TTC17: variants seen among roughly 807,000 people sequenced by gnomAD.
The protein encoded by TTC17 is tetratricopeptide repeat domain 17, also known as tetratricopeptide repeat protein 17.
TTC17 carries 58 observed loss-of-function variants against 143.8 expected under a neutral mutation model. That is an observed-to-expected ratio of 0.40 (90% CI 0.33 to 0.50). The LOEUF (loss-of-function observed/expected upper bound fraction) is 0.50. TTC17 is among the 20% of genes least tolerant of loss of function. The pLI is 0.49. For synonymous variants in TTC17, 501 were observed against 497.8 expected (o/e 1.01, Z -0.09); for missense variants, 1,273 against 1,392.5 (o/e 0.91, Z 1.37).
intron 3 of TTC17, among the ~76,000 whole-genome samples, chr11:43,390,900 A>T (rs918421352): frequency 3.9e-5 from 6 of 152,188 alleles, no homozygotes; most frequent in African/African-American, 1.4e-4. Context: ...ACGTTTCTAG[A>T]CAATTGAGCA....
intron 1 of TTC17, among the ~76,000 whole-genome samples, chr11:43,376,632 A>G (rs1002956055): frequency 2.0e-5 from 3 of 152,136 alleles, no homozygotes; most frequent in Non-Finnish European, 2.9e-5. Flanking sequence ...TTTCAATGCT[A>G]AAGACTTTGA....
At chr11:43,373,130 T>A (rs1394492054) in intron 1 of TTC17, among the ~76,000 whole-genome samples, 1 of 152,132 alleles carries the variant, frequency 6.6e-6, no homozygotes, top group Non-Finnish European at 1.5e-5. Flanking sequence ...CTTCATATTG[T>A]CTATATGGTA....
At chr11:43,459,180 G>A (rs997499470) in intron 21 of TTC17, among the ~76,000 whole-genome samples, 2 of 152,136 alleles carry the variant, frequency 1.3e-5, no homozygotes, top group South Asian at 2.1e-4. Context: ...GCAAGGATAC[G>A]ATGTCACATG....
At chr11:43,414,901 G>C in intron 16 of TTC17, 125 bp downstream of exon 16, 1 of 997,762 alleles carries the variant, frequency 1.0e-6, no homozygotes, top group Non-Finnish European at 1.4e-6. Context: ...TATAATTCCA[G>C]ATGCATAGGA....
At chr11:43,486,662 G>A (rs17510145) in intron 21 of TTC17, among the ~76,000 whole-genome samples, 13,562 of 152,090 alleles carry the variant, frequency 0.089, 904 homozygotes, top group Admixed American at 0.23. Flanking sequence ...TAAGGTGGTC[G>A]TTTCTGGAAT....
intron 16 of TTC17, among the ~76,000 whole-genome samples, chr11:43,423,714 T>C (rs954809080): frequency 6.6e-6 from 1 of 152,334 alleles, no homozygotes; most frequent in East Asian, 1.9e-4. Flanking sequence ...CCTAAATTAG[T>C]GTAAGATTAG....
intron 15 of TTC17, among the ~76,000 whole-genome samples, chr11:43,410,100 G>A (rs559435312): frequency 3.9e-5 from 6 of 152,094 alleles, no homozygotes; most frequent in South Asian, 4.1e-4. Context: ...TGATCCGCCC[G>A]CCTTGACCTC....
intron 5 of TTC17, chr11:43,395,513 G>T (rs565068618): frequency 6.6e-6 from 1 of 152,276 alleles, no homozygotes; most frequent in East Asian, 1.9e-4. Flanking sequence ...TTTCTCAAAA[G>T]GCCATCAAAA....
At chr11:43,465,027 CT>C (rs925643396) in intron 21 of TTC17, among the ~76,000 whole-genome samples, 55 of 152,300 alleles carry the variant, frequency 3.6e-4, no homozygotes, top group African/African-American at 1.3e-3. Context: ...GGACAAGAGG[CT>C]TTTGGTGACT....
intron 5 of TTC17, chr11:43,396,069 A>G (rs996069505): frequency 1.3e-5 from 2 of 152,212 alleles, no homozygotes; most frequent in South Asian, 2.1e-4. Context: ...TAGCATTTCT[A>G]TAGTTTAATA....
At chr11:43,362,949 GTCT>G (rs977017050) in intron 1 of TTC17, among the ~76,000 whole-genome samples, 1 of 152,160 alleles carries the variant, frequency 6.6e-6, no homozygotes, top group East Asian at 1.9e-4. Context: ...GAGAAACCCC[GTCT>G]TCTTCTCCTC....
At chr11:43,410,782 A>G (rs1319260306) in intron 15 of TTC17, among the ~76,000 whole-genome samples, 1 of 152,186 alleles carries the variant, frequency 6.6e-6, no homozygotes, top group Non-Finnish European at 1.5e-5. Flanking sequence ...TCATTTCAGG[A>G]AATAATAAAG....
intron 5 of TTC17, among the ~76,000 whole-genome samples, chr11:43,394,759 T>C (rs1857515814): frequency 6.6e-6 from 1 of 152,098 alleles, no homozygotes; most frequent in Non-Finnish European, 1.5e-5. Context: ...TCTGAAGCCA[T>C]GGAACTGGAT....
intron 16 of TTC17, among the ~76,000 whole-genome samples, chr11:43,417,282 A>C (rs1436328917): frequency 6.6e-6 from 1 of 152,144 alleles, no homozygotes; most frequent in Non-Finnish European, 1.5e-5. Flanking sequence ...TTTGCTAAAT[A>C]ATTGATTAAA....
Position 43,414,623 on chromosome 11 carries a change from C to A in TTC17, c.2098C>A (p.Leu700Ile), listed in dbSNP as rs1946735232. The stretch of plus-strand genomic sequence containing the variant: ...CTTTTTGAGCCTGGGAAATGCTTAC[C>A]TTGCTCTGAAGAATATCAGTGGGGC... The part of the protein sequence containing the change: ...LTFLSLGNAY[L>I]ALKNISGALE... The change falls in exon 16 of 24, where the codon CTT becomes ATT. Residue 700 changes from leucine (L) to isoleucine (I), a missense_variant. Leu to Ile is a conservative substitution (Grantham distance 5). Around this residue, in one of 3 missense-constraint regions of TTC17, gnomAD observed 878 missense variants for 899.8 expected, o/e 0.98. Coordinates refer to ENST00000039989, the MANE Select transcript of TTC17 (RefSeq NM_018259.6). 2 of 1,611,696 alleles carry A rather than the reference C, an allele frequency of 1.2e-6. No individual in the cohort carries two copies. Among genetic ancestry groups the A allele is most frequent in the African/African-American group, 1.3e-5 (1 of 74,696 alleles).
intron 21 of TTC17, among the ~76,000 whole-genome samples, chr11:43,477,496 G>C (rs1331625333): frequency 6.6e-6 from 1 of 152,222 alleles, no homozygotes; most frequent in Non-Finnish European, 1.5e-5. Context: ...GGAGGCCTCA[G>C]AATCATGGCA....
rs528015898 is a variant in TTC17, at chr11:43,399,826, A to AG, written c.1059-61dup. ...AGAACCAGAAAAATCTGTGCATTTA[A>AG]GTGGGTTTAAAATTTATGATTTTAT... On this transcript the variant is annotated intron_variant, in intron 8 of 23. Transcript: ENST00000039989. 223 of 1,513,198 alleles carry AG rather than the reference A, an allele frequency of 1.5e-4. 1 individual carries two copies. In the African/African-American group the frequency reaches 2.9e-3, roughly 20 times the overall value. 93.7% of individuals were successfully genotyped at this position (1,513,198 alleles called of 1,614,324 possible). A position where few individuals can be genotyped will look rare whatever the true frequency, so the allele number is the denominator to read the frequency against.
chr11:43,452,767 T>G (rs918965958), intron 21 of TTC17, among the ~76,000 whole-genome samples: 1 of 151,848 alleles, frequency 6.6e-6, no homozygotes, highest in African/African-American at 2.4e-5. Context: ...AGACCCTATC[T>G]CTACAAAAAA....
At chr11:43,400,983 T>C (rs577250580) in intron 9 of TTC17, among the ~76,000 whole-genome samples, 27 of 152,332 alleles carry the variant, frequency 1.8e-4, no homozygotes, top group Middle Eastern at 3.4e-3. Context: ...TATTTTACAA[T>C]TCCCTTAACA....
Sources: allele counts gnomAD v4.1 joint callset (sites outside exome capture counted in the v4.1 genomes callset), GRCh38; gene constraint gnomAD v4.1.1; regional missense constraint gnomAD v4.1.1; transcripts MANE v1.5; gene names NCBI Gene and HGNC (gene_info 2026-07-23, HGNC 2026-07-21).